The following COL28A1 variants were observed in gnomAD, a reference collection of about 807,000 sequenced individuals.
COL28A1 encodes the protein collagen alpha-1(XXVIII) chain.
Under a neutral mutation model 150.2 loss-of-function variants are expected in COL28A1, and 161 were observed. That is an observed-to-expected ratio of 1.07 (90% CI 0.94 to 1.22). The LOEUF (loss-of-function observed/expected upper bound fraction) is 1.22, where lower values mean the gene tolerates loss of function less well. Ranked by LOEUF, COL28A1 falls within the 50% of genes most tolerant of loss-of-function variation. The pLI, the probability that COL28A1 is intolerant of heterozygous loss-of-function variation, is 0.00. For missense variants in COL28A1, 1,617 were observed against 1,388.3 expected (o/e 1.16, Z -2.62); for synonymous variants, 552 against 469.7 (o/e 1.18, Z -2.26).
chr7:7,420,037 C>G (rs1259168580), intron 25 of COL28A1, 84 bp from the exon 26 acceptor site: 1 of 852,996 alleles, frequency 1.2e-6, no homozygotes, highest in East Asian at 3.0e-5. Context: ...ATATCAAAAA[C>G]TTCTTGAATG....
chr7:7,446,677 A>C (rs1300203102), intron 18 of COL28A1, among the ~76,000 whole-genome samples: 1 of 152,238 alleles, frequency 6.6e-6, no homozygotes, highest in East Asian at 1.9e-4. Flanking sequence ...ATTATAGACC[A>C]TTCTCCCTAT....
intron 27 of COL28A1, among the ~76,000 whole-genome samples, chr7:7,382,881 T>C (rs984000409): frequency 5.9e-5 from 9 of 152,152 alleles, no homozygotes; most frequent in Non-Finnish European, 1.3e-4. Context: ...GGAGGCATGA[T>C]GGGATTTACG....
chr7:7,400,315 A>T (rs528620174), intron 27 of COL28A1, among the ~76,000 whole-genome samples: 9 of 152,144 alleles, frequency 5.9e-5, no homozygotes, highest in Non-Finnish European at 1.3e-4. Flanking sequence ...GCAGAGGGAG[A>T]TTTGACAGAC....
chr7:7,410,287 A>ATGT (rs1783708847), intron 27 of COL28A1, among the ~76,000 whole-genome samples: 1 of 152,158 alleles, frequency 6.6e-6, no homozygotes, highest in Non-Finnish European at 1.5e-5. Context: ...GACGCTTTCA[A>ATGT]TGTCTATAAC....
rs1199770059 is a variant in COL28A1 at position 7,385,342 on chromosome 7, C to A, written c.2137-3730G>T. On this transcript the variant is annotated intron_variant, in intron 27 of 34. Coordinates refer to ENST00000399429, the MANE Select transcript of COL28A1 (RefSeq NM_001037763.3). The stretch of plus-strand genomic sequence containing the variant: ...TACAGTTGGCCAGGGATAAGACAGA[C>A]TAAAGGCTCATGGGAGAACACTAAG... Among the ~76,000 whole-genome samples the A allele has an allele frequency of 2.0e-5, 3 of 152,088 alleles. No individual in the cohort carries two copies. The East Asian group carries it at 5.8e-4, about 29-fold the overall frequency.
rs1562934223 is a variant in COL28A1, at chr7:7,532,793, C to T, written c.83G>A (p.Gly28Glu). The T allele has an allele frequency of 6.2e-7, 1 of 1,611,046 alleles. No individual in the cohort carries two copies. The highest frequency in any genetic ancestry group is 8.5e-7 in the Non-Finnish European group (1 of 1,178,938). The stretch of plus-strand genomic sequence containing the variant: ...CCTTGCAAGCAAATTTGATTTTGGT[C>T]CTTTCTTTCTTTGTCCGGATACTGT... ...SQTVSGQRKK[G>E]PKSNLLARKS... The change falls in exon 2 of 35, where the codon GGA becomes GAA. Residue 28 changes from glycine (G) to glutamate (E), a missense_variant. Coordinates refer to ENST00000399429, the MANE Select transcript of COL28A1 (RefSeq NM_001037763.3).
intron 25 of COL28A1, among the ~76,000 whole-genome samples, chr7:7,423,491 G>T (rs1224000981): frequency 6.6e-6 from 1 of 152,118 alleles, no homozygotes; most frequent in African/African-American, 2.4e-5. Context: ...GAGCACACAG[G>T]TAGATTCAAC....
intron 23 of COL28A1, among the ~76,000 whole-genome samples, 183 bp from the exon 24 acceptor site, chr7:7,432,883 G>A (rs1478249183): frequency 6.6e-6 from 1 of 152,096 alleles, no homozygotes; most frequent in South Asian, 2.1e-4. Context: ...AAATCAAGAA[G>A]AAGTATAAAA....
rs759001225 is a variant in COL28A1, at chr7:7,477,095, A to G, written c.1233+17T>C. On this transcript the variant is annotated intron_variant, in intron 14 of 34. Coordinates refer to ENST00000399429, the MANE Select transcript of COL28A1 (RefSeq NM_001037763.3). Reference sequence around the variant, plus strand: ...GTAAGACAAAGCACCTTTTCCTGGTACAGAAGGTATTGTTACCTTTGGTCC... The same window carrying G: ...GTAAGACAAAGCACCTTTTCCTGGTGCAGAAGGTATTGTTACCTTTGGTCC... 9.9e-7 allele frequency: 1 copy of G among 1,010,182 alleles called. No individual in the cohort carries two copies. Among genetic ancestry groups the G allele is most frequent in the Non-Finnish European group, 1.6e-6 (1 of 627,526 alleles). 62.6% of individuals were successfully genotyped at this position (1,010,182 alleles called of 1,614,324 possible).
At chr7:7,521,590 G>A (rs1206238665) in intron 5 of COL28A1, among the ~76,000 whole-genome samples, 1 of 152,116 alleles carries the variant, frequency 6.6e-6, no homozygotes, top group African/African-American at 2.4e-5. Context: ...ATTTGTATTA[G>A]CTTTTTCTGT....
At chr7:7,473,849 TTGTTTATATATATAGTGTG>T (rs1324408965) in intron 15 of COL28A1, among the ~76,000 whole-genome samples, 1 of 151,430 alleles carries the variant, frequency 6.6e-6, no homozygotes, top group Non-Finnish European at 1.5e-5. Context: ...GTGTGTGTGT[TTGTTTATATATATAGTGTG>T]TGTTTATATA....
intron 7 of COL28A1, among the ~76,000 whole-genome samples, chr7:7,516,988 A>G (rs929192842): frequency 5.9e-5 from 9 of 152,210 alleles, no homozygotes; most frequent in Non-Finnish European, 1.3e-4. Flanking sequence ...ATTCTCTCCT[A>G]TGAGATAATA....
At chr7:7,448,058 T>C (rs1333146037) in intron 18 of COL28A1, among the ~76,000 whole-genome samples, 1 of 152,154 alleles carries the variant, frequency 6.6e-6, no homozygotes, top group East Asian at 1.9e-4. Context: ...AGTGAGACTC[T>C]ATCTCAAAAC....
intron 27 of COL28A1, chr7:7,417,530 G>A (rs1784156134): frequency 1.7e-5 from 2 of 115,098 alleles, no homozygotes; most frequent in Admixed American, 2.2e-4. Flanking sequence ...AGGGGGGAGG[G>A]AGGGAGGGAG....
At chr7:7,449,096 T>C (rs1054055923) in intron 18 of COL28A1, among the ~76,000 whole-genome samples, 4 of 152,126 alleles carry the variant, frequency 2.6e-5, no homozygotes, top group African/African-American at 4.8e-5. Flanking sequence ...AATTGTATAC[T>C]TTAAACATGT....
intron 11 of COL28A1, among the ~76,000 whole-genome samples, chr7:7,496,514 A>G (rs903106193): frequency 3.9e-5 from 6 of 152,268 alleles, no homozygotes; most frequent in African/African-American, 1.4e-4. Context: ...TACCTATTAC[A>G]CAATTTCTCC....
intron 8 of COL28A1, among the ~76,000 whole-genome samples, 171 bp from the exon 9 acceptor site, chr7:7,511,306 T>G (rs887669896): frequency 7.2e-5 from 11 of 152,200 alleles, no homozygotes; most frequent in Non-Finnish European, 1.0e-4. Context: ...CATTGAAATC[T>G]GAATATTTTT....
chr7:7,401,139 C>A (rs1412921036), intron 27 of COL28A1, among the ~76,000 whole-genome samples: 1 of 151,906 alleles, frequency 6.6e-6, no homozygotes, highest in Non-Finnish European at 1.5e-5. Context: ...TATTTCCTCA[C>A]GTGGCTTCCA....
chr7:7,381,718 T>C (rs1027580852), intron 27 of COL28A1, 106 bp from the exon 28 acceptor site: 4 of 719,344 alleles, frequency 5.6e-6, no homozygotes, highest in East Asian at 2.5e-5. Flanking sequence ...TATAGTATTA[T>C]CTAAATATTA....
Sources: allele counts gnomAD v4.1 joint callset (sites outside exome capture counted in the v4.1 genomes callset), GRCh38; gene constraint gnomAD v4.1.1; transcripts MANE v1.5; gene names NCBI Gene and HGNC (gene_info 2026-07-23, HGNC 2026-07-21).